The following LRRTM4 variants were observed in gnomAD, a reference collection of about 807,000 sequenced individuals.
The protein encoded by LRRTM4 is leucine-rich repeat transmembrane neuronal protein 4.
Under a neutral mutation model 47.6 loss-of-function variants are expected in LRRTM4, and 25 were observed. That is an observed-to-expected ratio of 0.53 (90% CI 0.38 to 0.73). LRRTM4 has a LOEUF of 0.73. LRRTM4 is among the 30% of genes least tolerant of loss of function. The pLI is 0.00. For missense variants in LRRTM4, 638 were observed against 713.4 expected (o/e 0.89, Z 1.20); for synonymous variants, 311 against 269.5 (o/e 1.15, Z -1.51).
chr2:77,106,033 C>T (rs1332797395), intron 3 of LRRTM4, among the ~76,000 whole-genome samples: 2 of 152,120 alleles, frequency 1.3e-5, no homozygotes, highest in Non-Finnish European at 2.9e-5. Flanking sequence ...TATCCTGGGG[C>T]CTTTGCACCA....
At chr2:76,982,295 G>A (rs747650072) in intron 3 of LRRTM4, among the ~76,000 whole-genome samples, 25 of 151,880 alleles carry the variant, frequency 1.6e-4, no homozygotes, top group Non-Finnish European at 3.1e-4. Context: ...GAAAGTTTCC[G>A]TGTCATATCA....
At chr2:76,806,224 A>G (rs114646718) in intron 3 of LRRTM4, among the ~76,000 whole-genome samples, 2,232 of 152,280 alleles carry the variant, frequency 0.015, 29 homozygotes, top group Non-Finnish European at 0.024. Context: ...GGAAAAGTGG[A>G]ACCTACCTTA....
chr2:77,149,233 AC>A (rs2103780851), intron 3 of LRRTM4, among the ~76,000 whole-genome samples: 2 of 152,276 alleles, frequency 1.3e-5, no homozygotes, highest in South Asian at 4.1e-4. Context: ...TATCTCAATG[AC>A]CTTTTTTACC....
intron 3 of LRRTM4, among the ~76,000 whole-genome samples, chr2:76,807,478 A>ATATATACATATATATATACATATATG (rs1670556284): frequency 4.4e-5 from 6 of 135,440 alleles, no homozygotes; most frequent in African/African-American, 1.5e-4. Context: ...ATACATATAT[A>ATATATACATATATATATACATATATG]TATATATACA....
chr2:76,828,508 G>A (rs1671247207), intron 3 of LRRTM4, among the ~76,000 whole-genome samples: 1 of 151,910 alleles, frequency 6.6e-6, no homozygotes, highest in South Asian at 2.1e-4. Context: ...TCCTTTTCAA[G>A]TGTTAGTGTA....
chr2:77,366,386 C>T (rs1272232799), intron 3 of LRRTM4, among the ~76,000 whole-genome samples: 1 of 151,774 alleles, frequency 6.6e-6, no homozygotes, highest in Non-Finnish European at 1.5e-5. Context: ...TTTACCTAAT[C>T]ACTCACTACT....
At chr2:77,257,138 T>C (rs1675791888) in intron 3 of LRRTM4, among the ~76,000 whole-genome samples, 1 of 152,040 alleles carries the variant, frequency 6.6e-6, no homozygotes. Flanking sequence ...GGGAACTTCT[T>C]CAACTTGATA....
intron 3 of LRRTM4, among the ~76,000 whole-genome samples, chr2:77,027,642 G>A (rs1678500892): frequency 6.6e-6 from 1 of 152,178 alleles, no homozygotes; most frequent in South Asian, 2.1e-4. Context: ...GAATCACTAA[G>A]AGCCTTCTAA....
At chr2:76,828,040 T>G (rs1188469634) in intron 3 of LRRTM4, among the ~76,000 whole-genome samples, 1 of 151,986 alleles carries the variant, frequency 6.6e-6, no homozygotes, top group Non-Finnish European at 1.5e-5. Context: ...GAAAAAGTAT[T>G]GCTTAGCGTA....
At chr2:76,813,250 A>G (rs1670797981) in intron 3 of LRRTM4, among the ~76,000 whole-genome samples, 3 of 152,190 alleles carry the variant, frequency 2.0e-5, no homozygotes, top group African/African-American at 7.2e-5. Context: ...TACCCAGGAA[A>G]TCACCCCACT....
At chr2:77,426,559 G>A (rs181422631) in intron 3 of LRRTM4, among the ~76,000 whole-genome samples, 70 of 152,198 alleles carry the variant, frequency 4.6e-4, no homozygotes, top group African/African-American at 1.5e-3. Flanking sequence ...CATGCCCTGG[G>A]AGGCACCCAG....
intron 3 of LRRTM4, among the ~76,000 whole-genome samples, chr2:77,061,148 G>A (rs568439239): frequency 1.3e-5 from 2 of 151,636 alleles, no homozygotes; most frequent in African/African-American, 4.8e-5. Flanking sequence ...TATAAAATGA[G>A]TTGATTTTAG....
At chr2:77,161,028 C>A (rs533499970) in intron 3 of LRRTM4, among the ~76,000 whole-genome samples, 26 of 152,228 alleles carry the variant, frequency 1.7e-4, no homozygotes, top group African/African-American at 6.0e-4. Context: ...ATCATGCAGA[C>A]CCCCTCGATG....
intron 3 of LRRTM4, among the ~76,000 whole-genome samples, chr2:76,831,770 T>C (rs1395843932): frequency 6.6e-6 from 1 of 152,116 alleles, no homozygotes; most frequent in Non-Finnish European, 1.5e-5. Flanking sequence ...CCTACTGTTG[T>C]CACTAACCTC....
chr2:76,957,638 G>C (rs560295096), intron 3 of LRRTM4, among the ~76,000 whole-genome samples: 2 of 151,684 alleles, frequency 1.3e-5, no homozygotes, highest in South Asian at 4.2e-4. Flanking sequence ...ATATTTGACT[G>C]TCCTCTTATG....
intron 3 of LRRTM4, among the ~76,000 whole-genome samples, chr2:77,456,413 A>T (rs758199978): frequency 1.3e-5 from 2 of 152,188 alleles, no homozygotes; most frequent in Non-Finnish European, 2.9e-5. Flanking sequence ...CTCAAACTAA[A>T]GTAGGCTAAC....
At chr2:76,841,751 A>C (rs1307946604) in intron 3 of LRRTM4, among the ~76,000 whole-genome samples, 1 of 151,992 alleles carries the variant, frequency 6.6e-6, no homozygotes, top group South Asian at 2.1e-4. Context: ...AATGTAAAAA[A>C]GTATATAAAA....
At chr2:76,828,184 G>C (rs1056965196) in intron 3 of LRRTM4, among the ~76,000 whole-genome samples, 1 of 151,944 alleles carries the variant, frequency 6.6e-6, no homozygotes, top group African/African-American at 2.4e-5. Flanking sequence ...GTGAGGGTAA[G>C]TGATTGCCTG....
intron 3 of LRRTM4, among the ~76,000 whole-genome samples, chr2:77,049,155 T>TACACAC (rs1157832273): frequency 2.4e-5 from 3 of 125,808 alleles, no homozygotes; most frequent in African/African-American, 1.2e-4. Context: ...TATATATATA[T>TACACAC]ATACACACAC....
Sources: allele counts gnomAD v4.1 joint callset (sites outside exome capture counted in the v4.1 genomes callset), GRCh38; gene constraint gnomAD v4.1.1; transcripts MANE v1.5; gene names NCBI Gene and HGNC (gene_info 2026-07-23, HGNC 2026-07-21).